The following ZNF713 variants were observed in gnomAD, a reference collection of about 807,000 sequenced individuals.
ZNF713 encodes the protein zinc finger protein 713.
Under a neutral mutation model 28.7 loss-of-function variants are expected in ZNF713, and 21 were observed. The observed-to-expected ratio is 0.73, with a 90% CI of 0.52 to 1.05. The LOEUF (loss-of-function observed/expected upper bound fraction) is 1.05, where lower values mean the gene tolerates loss of function less well. Ranked by LOEUF, ZNF713 falls within the 50% of genes least tolerant of loss-of-function variation. The probability of loss-of-function intolerance (pLI) is 0.00; values close to 1 mark genes in which losing one functional copy is unlikely to be tolerated. For missense variants in ZNF713, 458 were observed against 532.4 expected (o/e 0.86, Z 1.37); for synonymous variants, 167 against 178.0 (o/e 0.94, Z 0.49).
Position 55,887,581 on chromosome 7 carries a change from T to C in ZNF713, c.-682T>C. 5.4e-6 allele frequency: 1 copy of C among 184,786 alleles called. No individual in the cohort carries two copies. Among genetic ancestry groups the C allele is most frequent in the South Asian group, 1.4e-4 (1 of 7,106 alleles). The allele number at this position is 184,786 out of a possible 1,614,324, so 11.4% of individuals were successfully genotyped here. ...CTCAGGCTGCGGGGCCCTCGGCACC[T>C]TCTCCCTCCCGGGTCCACCGCGGCG... On this transcript the variant is annotated 5_prime_UTR_variant, in exon 1 of 7. Coordinates refer to ENST00000429591, the MANE Select transcript of ZNF713 (RefSeq NM_182633.3).
At position 55,923,683 on chromosome 7, in the gene ZNF713, G is replaced by GAACAACTCAGAGTC. The variant is rs1786040561; in HGVS notation, c.291_292insAACAACTCAGAGTC (p.Leu98AsnfsTer36). ...AATGGGTGATAGAAAGAGACAGCCT[G>GAACAACTCAGAGTC]CTGGATACTCATCCAGGTAAGTGCA... On this transcript the variant is annotated frameshift_variant, in exon 6 of 7. Coordinates refer to ENST00000429591, the MANE Select transcript of ZNF713 (RefSeq NM_182633.3). LOFTEE classifies it low-confidence loss of function (END_TRUNC). 1.2e-6 allele frequency: 2 copies of GAACAACTCAGAGTC among 1,611,924 alleles called. No individual in the cohort carries two copies. Among genetic ancestry groups the GAACAACTCAGAGTC allele is most frequent in the African/African-American group, 1.3e-5 (1 of 74,866 alleles).
At chr7:55,887,735 CGGGG>C (rs1216696411) in intron 1 of ZNF713, 55 bp downstream of exon 1, 521 of 2,612 alleles carry the variant, frequency 0.2, 136 homozygotes, top group African/African-American at 0.46. Context: ...GGGGCGGAGG[CGGGG>C]GGCGGAGGCG....
intron 4 of ZNF713, among the ~76,000 whole-genome samples, chr7:55,915,782 G>C (rs1219248681): frequency 3.9e-5 from 6 of 152,194 alleles, no homozygotes; most frequent in Non-Finnish European, 8.8e-5. Flanking sequence ...AAAGCCTGTG[G>C]CCATGAAAAC....
Position 55,926,037 on chromosome 7 carries a change from C to T in ZNF713, c.307+2338C>T, listed in dbSNP as rs551018599. The stretch of plus-strand genomic sequence containing the variant: ...TTTAGGAAAACTTCCAGATTTTGAC[C>T]GGGCTCAGTGGCTCATGGCTGTAAT... On this transcript the variant is annotated intron_variant, in intron 6 of 6. Transcript: ENST00000429591. Among the ~76,000 whole-genome samples the T allele has an allele frequency of 1.7e-4, 26 of 152,234 alleles. No homozygotes were observed. In the South Asian group the frequency reaches 2.9e-3, roughly 17 times the overall value.
chr7:55,920,183 A>G (rs974082065), intron 4 of ZNF713, among the ~76,000 whole-genome samples: 3 of 152,218 alleles, frequency 2.0e-5, no homozygotes. Context: ...ATGGATGAGC[A>G]AAGAAAGTGG....
In ZNF713 at chr7:55,940,003, A is replaced by T; in HGVS notation, c.1329A>T (p.Thr443=). 6.4e-7 allele frequency: 1 copy of T among 1,566,082 alleles called. No individual in the cohort carries two copies. Among genetic ancestry groups the T allele is most frequent in the South Asian group, 1.2e-5 (1 of 82,974 alleles). ...GCCACAGTCCTTCATTTAGCAGCAC[A>T]TAACTTATGGTGGGGGAAATCAGAT... ...TVRHSPSFSS[T] is the part of the protein sequence containing the mutation. Residue 443 remains threonine (T), a synonymous_variant, in exon 7 of 7, where the codon ACA becomes ACT. Transcript: ENST00000429591.
At position 55,923,698 on chromosome 7, in the gene ZNF713, A is replaced by ACAAT. The variant is rs1786041544; in HGVS notation, c.306_307insCAAT (p.Asp103GlnfsTer2). The stretch of plus-strand genomic sequence containing the variant: ...GAGACAGCCTGCTGGATACTCATCC[A>ACAAT]GGTAAGTGCACACTCTTGGGCACTG... On this transcript the variant is annotated frameshift_variant and splice_region_variant, in exon 6 of 7. Transcript: ENST00000429591. LOFTEE classifies it high-confidence loss of function. 2 of 1,610,650 alleles carry ACAAT rather than the reference A, an allele frequency of 1.2e-6. No homozygotes were observed. The highest frequency in any genetic ancestry group is 1.3e-5 in the African/African-American group (1 of 74,894).
intron 4 of ZNF713, among the ~76,000 whole-genome samples, chr7:55,922,758 T>C (rs895264713): frequency 6.6e-6 from 1 of 152,196 alleles, no homozygotes; most frequent in African/African-American, 2.4e-5. Flanking sequence ...ACACACTTAA[T>C]AGACCAAATA....
chr7:55,931,970 C>G (rs1238580386), intron 6 of ZNF713, among the ~76,000 whole-genome samples: 2 of 152,198 alleles, frequency 1.3e-5, no homozygotes, highest in Non-Finnish European at 2.9e-5. Context: ...CTGTAGAGCT[C>G]CAGCCAATCA....
chr7:55,892,841 A>C (rs754862253), intron 1 of ZNF713, among the ~76,000 whole-genome samples: 1 of 146,610 alleles, frequency 6.8e-6, no homozygotes, highest in African/African-American at 2.5e-5. Flanking sequence ...ATTGCACTCC[A>C]TTCTGGGCAA....
At chr7:55,909,887 G>A (rs1057300488) in intron 2 of ZNF713, among the ~76,000 whole-genome samples, 4 of 151,696 alleles carry the variant, frequency 2.6e-5, no homozygotes, top group Non-Finnish European at 4.4e-5. Context: ...AAAGTATATT[G>A]AAATATTACT....
intron 6 of ZNF713, among the ~76,000 whole-genome samples, chr7:55,928,568 T>G (rs978216494): frequency 2.6e-5 from 4 of 152,098 alleles, no homozygotes; most frequent in African/African-American, 9.7e-5. Flanking sequence ...AGAATATGAA[T>G]GTATTGCCAT....
chr7:55,925,389 G>T (rs988713943), intron 6 of ZNF713, among the ~76,000 whole-genome samples: 4 of 152,138 alleles, frequency 2.6e-5, no homozygotes, highest in African/African-American at 9.7e-5. Flanking sequence ...TTGGGAGGCC[G>T]AGGCGGGCAG....
rs1486254608 is a variant in ZNF713, at chr7:55,887,854, CGGGCGGCG to C, written c.-583+177_-583+184del. On this transcript the variant is annotated intron_variant, in intron 1 of 6. Coordinates refer to ENST00000429591, the MANE Select transcript of ZNF713 (RefSeq NM_182633.3). ...GGCGGGCGGCGGGCGGCGGCGGCGGCGGGCGGCGGGCGGCGGCGGCGGCGGCGGCGGCG... is the reference window on the plus strand; with the variant it reads ...GGCGGGCGGCGGGCGGCGGCGGCGGCGGCGGCGGCGGCGGCGGCGGCGGCG... 1.7e-3 allele frequency among the ~76,000 whole-genome samples: 10 copies of C among 5,902 alleles called. 2 individuals carry two copies. Among genetic ancestry groups the C allele is most frequent in the African/African-American group, 9.9e-3 (7 of 708 alleles). The allele number at this position is 5,902 out of a possible 152,430, so 3.9% of individuals were successfully genotyped here. A position where few individuals can be genotyped will look rare whatever the true frequency, so the allele number is the denominator to read the frequency against.
chr7:55,887,872 GGC>G (rs1410223834), intron 1 of ZNF713, among the ~76,000 whole-genome samples, 192 bp downstream of exon 1: 547 of 4,854 alleles, frequency 0.11, 170 homozygotes, highest in African/African-American at 0.33. Flanking sequence ...GGGCGGCGGC[GGC>G]GGCGGCGGCG....
intron 1 of ZNF713, among the ~76,000 whole-genome samples, chr7:55,891,260 A>G (rs1469056763): frequency 6.6e-6 from 1 of 152,162 alleles, no homozygotes; most frequent in African/African-American, 2.4e-5. Context: ...CCAAAGTCAC[A>G]TGGTTATTTA....
intron 6 of ZNF713, among the ~76,000 whole-genome samples, chr7:55,928,084 T>C (rs561892651): frequency 1.3e-5 from 2 of 151,928 alleles, no homozygotes; most frequent in Admixed American, 6.6e-5. Flanking sequence ...ATTTCCTTTG[T>C]TGAGTGTAAG....
intron 1 of ZNF713, among the ~76,000 whole-genome samples, chr7:55,904,815 C>A (rs1406908778): frequency 1.3e-5 from 2 of 152,102 alleles, no homozygotes; most frequent in African/African-American, 4.8e-5. Flanking sequence ...CAATCTCCAC[C>A]CCCTCGGCTC....
At chr7:55,935,594 A>C (rs1219025604) in intron 6 of ZNF713, among the ~76,000 whole-genome samples, 1 of 152,180 alleles carries the variant, frequency 6.6e-6, no homozygotes, top group Non-Finnish European at 1.5e-5. Context: ...CCTCACCCAC[A>C]TCTCCATGAG....
Sources: gnomAD v4.1 joint callset for allele counts (sites outside exome capture counted in the v4.1 genomes callset) on GRCh38, gnomAD v4.1.1 for gene constraint, MANE v1.5 for transcripts, NCBI Gene and HGNC (gene_info 2026-07-23, HGNC 2026-07-21) for gene names.